STK32B: variants seen among roughly 807,000 people sequenced by gnomAD.
STK32B encodes the protein serine/threonine kinase 32B.
A neutral mutation model predicts 52.6 loss-of-function variants in STK32B; 43 were observed. That is an observed-to-expected ratio of 0.82 (90% CI 0.64 to 1.05). The LOEUF (loss-of-function observed/expected upper bound fraction) is 1.05, where lower values mean the gene tolerates loss of function less well. STK32B is among the 50% of genes least tolerant of loss of function. The pLI is 0.00. For missense variants in STK32B, 621 were observed against 534.6 expected (o/e 1.16, Z -1.59); for synonymous variants, 238 against 204.3 (o/e 1.17, Z -1.41).
intron 4 of STK32B, among the ~76,000 whole-genome samples, chr4:5,332,405 G>A (rs947920285): frequency 6.6e-6 from 1 of 152,172 alleles, no homozygotes; most frequent in East Asian, 1.9e-4. Flanking sequence ...GGAATTGGCA[G>A]CACCTGGTAT....
intron 6 of STK32B, among the ~76,000 whole-genome samples, chr4:5,418,164 T>C (rs770032840): frequency 1.3e-5 from 2 of 152,260 alleles, no homozygotes; most frequent in Non-Finnish European, 2.9e-5. Context: ...TCACTGTGTC[T>C]TTTAACTCTT....
At chr4:5,186,412 T>C (rs1361559230) in intron 3 of STK32B, among the ~76,000 whole-genome samples, 1 of 152,200 alleles carries the variant, frequency 6.6e-6, no homozygotes, top group Non-Finnish European at 1.5e-5. Flanking sequence ...GCCCCTGACA[T>C]GCCAAATGCT....
At chr4:5,039,001 T>G in the STK32B span, among the ~76,000 whole-genome samples, 1 of 150,724 alleles carries the variant, frequency 6.6e-6, no homozygotes, top group Non-Finnish European at 1.5e-5. Context: ...TTTTTTTTTT[T>G]TTTGAGATGG....
Position 5,376,470 on chromosome 4 carries a change from C to G in STK32B, c.435-21737C>G, listed in dbSNP as rs1015085531. 2.0e-5 allele frequency among the ~76,000 whole-genome samples: 3 copies of G among 152,084 alleles called. No individual in the cohort carries two copies. The East Asian group carries it at 5.8e-4, about 30-fold the overall frequency. On this transcript the variant is annotated intron_variant, in intron 4 of 11. Coordinates refer to ENST00000282908, the MANE Select transcript of STK32B (RefSeq NM_018401.3). Reference sequence around the variant, plus strand: ...CTCCCATTTTGGCCTAGGCGTCCACCTGCCAGACAGCAGGTTGGAGAGGAT... The same window carrying G: ...CTCCCATTTTGGCCTAGGCGTCCACGTGCCAGACAGCAGGTTGGAGAGGAT...
At chr4:5,270,373 T>C (rs113399269) in intron 3 of STK32B, among the ~76,000 whole-genome samples, 1,711 of 152,212 alleles carry the variant, frequency 0.011, 20 homozygotes, top group African/African-American at 0.039. Flanking sequence ...GTCTAGTCTT[T>C]CCATGTTCTT....
In STK32B at chr4:5,092,973, TA is replaced by T. The variant is rs371837685; in HGVS notation, c.52+41061del. Among the ~76,000 whole-genome samples the T allele has an allele frequency of 5.0e-3, 762 of 152,204 alleles. 10 individuals carry two copies. Among genetic ancestry groups the T allele is most frequent in the African/African-American group, 0.015 (622 of 41,542 alleles). ...AAAAAGAGGGCAAAGGAAAGAACAA[TA>T]AATGTGAACAAACACCACATATGGT... On this transcript the variant is annotated intron_variant, in intron 1 of 11. Coordinates refer to ENST00000282908, the MANE Select transcript of STK32B (RefSeq NM_018401.3).
chr4:5,205,373 G>A (rs1722484784), intron 3 of STK32B, among the ~76,000 whole-genome samples: 1 of 152,178 alleles, frequency 6.6e-6, no homozygotes, highest in Non-Finnish European at 1.5e-5. Context: ...TTGTATCTAT[G>A]TATCTCTTAC....
Position 5,344,672 on chromosome 4 carries a change from T to A in STK32B, c.434+13279T>A, listed in dbSNP as rs148882816. On this transcript the variant is annotated intron_variant, in intron 4 of 11. Coordinates refer to ENST00000282908, the MANE Select transcript of STK32B (RefSeq NM_018401.3). ...TTTTTTGTTTTTTCCATTTTTTTCT[T>A]TTTGGCAAACTTTGTCAGAATTTTT... is the stretch of plus-strand genomic sequence containing the variant. Among the ~76,000 whole-genome samples, 679 of 150,906 alleles carry A rather than the reference T, an allele frequency of 4.5e-3. 3 individuals carry two copies. Among genetic ancestry groups the A allele is most frequent in the African/African-American group, 0.015 (618 of 40,716 alleles).
Position 5,225,731 on chromosome 4 carries a change from G to A in STK32B, c.260+57281G>A, listed in dbSNP as rs113227293. ...GAGAAGCTTTATATCCTCTTAGCTG[G>A]AAGGGCTCAAGGAAGGAACAAGAGC... is the stretch of plus-strand genomic sequence containing the variant. On this transcript the variant is annotated intron_variant, in intron 3 of 11. Transcript: ENST00000282908. 5.3e-3 allele frequency among the ~76,000 whole-genome samples: 807 copies of A among 152,292 alleles called. 1 individual carries two copies. Among genetic ancestry groups the A allele is most frequent in the Non-Finnish European group, 8.7e-3 (589 of 68,026 alleles).
intron 2 of STK32B, among the ~76,000 whole-genome samples, chr4:5,158,454 C>T (rs906244558): frequency 6.6e-6 from 1 of 152,128 alleles, no homozygotes; most frequent in African/African-American, 2.4e-5. Flanking sequence ...AAAGAGCTCC[C>T]CACCCCGAAG....
At chr4:5,192,078 A>C (rs534886482) in intron 3 of STK32B, among the ~76,000 whole-genome samples, 2 of 152,352 alleles carry the variant, frequency 1.3e-5, no homozygotes, top group East Asian at 3.9e-4. Context: ...CCAGGGAGGC[A>C]TGCTTCACTG....
At chr4:5,024,497 G>A in the STK32B span, among the ~76,000 whole-genome samples, 2 of 152,160 alleles carry the variant, frequency 1.3e-5, no homozygotes, top group Non-Finnish European at 2.9e-5. Context: ...TGCTTCTTGG[G>A]TTGAGCTCTA....
chr4:5,135,397 A>C (rs1716012841), intron 1 of STK32B, among the ~76,000 whole-genome samples: 1 of 152,126 alleles, frequency 6.6e-6, no homozygotes, highest in Non-Finnish European at 1.5e-5. Context: ...TGTTGTCCCA[A>C]ATAACTCTTG....
chr4:5,124,274 C>G (rs1715231404), intron 1 of STK32B, among the ~76,000 whole-genome samples: 1 of 152,186 alleles, frequency 6.6e-6, no homozygotes, highest in Non-Finnish European at 1.5e-5. Context: ...CAAAAGGTTT[C>G]ACTGGGTTGC....
intron 3 of STK32B, among the ~76,000 whole-genome samples, chr4:5,287,659 C>T (rs1728640129): frequency 6.6e-6 from 1 of 151,034 alleles, no homozygotes; most frequent in Admixed American, 6.6e-5. Context: ...GTAAATAATA[C>T]ATATGGTATT....
chr4:5,062,711 T>C (rs983716444), intron 1 of STK32B, among the ~76,000 whole-genome samples: 3 of 152,064 alleles, frequency 2.0e-5, no homozygotes, highest in African/African-American at 4.8e-5. Flanking sequence ...GGTTTCACCA[T>C]GTTAGCCAGG....
intron 1 of STK32B, among the ~76,000 whole-genome samples, chr4:5,075,659 TA>T (rs1023633839): frequency 7.9e-5 from 12 of 152,178 alleles, no homozygotes; most frequent in African/African-American, 2.4e-4. Flanking sequence ...ATGCTTATTA[TA>T]AAAAAATTGA....
chr4:5,136,764 A>C (rs978815289), intron 1 of STK32B, among the ~76,000 whole-genome samples: 2 of 152,186 alleles, frequency 1.3e-5, no homozygotes, highest in Non-Finnish European at 2.9e-5. Flanking sequence ...TTCATCAACC[A>C]AGTGTTAACT....
At chr4:5,331,598 A>G (rs866958249) in intron 4 of STK32B, among the ~76,000 whole-genome samples, 25 of 152,238 alleles carry the variant, frequency 1.6e-4, no homozygotes, top group Middle Eastern at 3.4e-3. Flanking sequence ...ATACCCGTAC[A>G]CTACTGTTTA....
Sources: allele counts gnomAD v4.1 joint callset (sites outside exome capture counted in the v4.1 genomes callset), GRCh38; gene constraint gnomAD v4.1.1; transcripts MANE v1.5; gene names NCBI Gene and HGNC (gene_info 2026-07-23, HGNC 2026-07-21).